The following ATP6V0A1 variants were observed in gnomAD, a reference collection of about 807,000 sequenced individuals.
The protein encoded by ATP6V0A1 is V-type proton ATPase 116 kDa subunit a 1.
A neutral mutation model predicts 105.4 loss-of-function variants in ATP6V0A1; 43 were observed. That is an observed-to-expected ratio of 0.41 (90% CI 0.32 to 0.53). ATP6V0A1 has a LOEUF of 0.53. Ranked by LOEUF, ATP6V0A1 falls within the 20% of genes least tolerant of loss-of-function variation. The pLI is 0.30. For missense variants in ATP6V0A1, 676 were observed against 1,051.1 expected (o/e 0.64, Z 4.93); for synonymous variants, 362 against 372.8 (o/e 0.97, Z 0.33).
intron 17 of ATP6V0A1, among the ~76,000 whole-genome samples, chr17:42,505,973 A>G (rs1200386247): frequency 6.6e-6 from 1 of 151,960 alleles, no homozygotes; most frequent in Non-Finnish European, 1.5e-5. Context: ...TTTTTAGTAG[A>G]GACGGGGTTT....
chr17:42,488,918 G>A (rs1388662005), intron 10 of ATP6V0A1, among the ~76,000 whole-genome samples: 1 of 151,008 alleles, frequency 6.6e-6, no homozygotes, highest in East Asian at 2.0e-4. Context: ...AGGAGGCTGA[G>A]GCAGGAGAAC....
chr17:42,467,474 T>C (rs2087245265), intron 3 of ATP6V0A1, among the ~76,000 whole-genome samples: 1 of 152,236 alleles, frequency 6.6e-6, no homozygotes, highest in South Asian at 2.1e-4. Context: ...CCTGAAACAC[T>C]CTTCTCTTCT....
chr17:42,496,648 C>G (rs2091209860), intron 14 of ATP6V0A1: 1 of 152,114 alleles, frequency 6.6e-6, no homozygotes, highest in Non-Finnish European at 1.5e-5. Flanking sequence ...CGAGACCAGC[C>G]TGGTCAACAT....
chr17:42,501,073 G>C lies in ATP6V0A1; in HGVS notation c.1897-124G>C, dbSNP rs116026062. On this transcript the variant is annotated intron_variant, in intron 16 of 21. Transcript: ENST00000343619. Reference sequence around the variant, plus strand: ...ATGTGATAATTATTTTGAGAAATTGGATAGTGTTATTCATAGATTAGTAAG... The same window carrying C: ...ATGTGATAATTATTTTGAGAAATTGCATAGTGTTATTCATAGATTAGTAAG... 6.4e-4 allele frequency: 747 copies of C among 1,158,212 alleles called. 4 individuals carry two copies. The African/African-American group carries it at 0.011, about 16-fold the overall frequency. 71.7% of individuals were successfully genotyped at this position (1,158,212 alleles called of 1,614,324 possible). A position where few individuals can be genotyped will look rare whatever the true frequency, so the allele number is the denominator to read the frequency against.
At chr17:42,460,704 C>T (rs2086298503) in intron 1 of ATP6V0A1, 144 bp from the exon 2 acceptor site, 1 of 508,986 alleles carries the variant, frequency 2.0e-6, no homozygotes, top group Admixed American at 3.2e-5. Flanking sequence ...TCCTTTCCAT[C>T]TTTCTAGACA....
In ATP6V0A1 at chr17:42,514,314, G is replaced by GGT; in HGVS notation, c.2276_2277dup (p.Ile760Ter). ...AGCTGTCTGAGGTGCTTTGGACCAT[G>GGT]GTGATCCACATCGGCCTGAGCGTGA... On this transcript the variant is annotated frameshift_variant, in exon 21 of 22. Coordinates refer to ENST00000343619, the MANE Select transcript of ATP6V0A1 (RefSeq NM_001130021.3). LOFTEE classifies it high-confidence loss of function. 6.2e-7 allele frequency: 1 copy of GGT among 1,607,680 alleles called. No homozygotes were observed. The highest frequency in any genetic ancestry group is 8.5e-7 in the Non-Finnish European group (1 of 1,176,794).
At chr17:42,476,442 G>GA (rs1429667131) in intron 5 of ATP6V0A1, among the ~76,000 whole-genome samples, 1 of 152,160 alleles carries the variant, frequency 6.6e-6, no homozygotes, top group Non-Finnish European at 1.5e-5. Context: ...GAAAATGATA[G>GA]AGAAAAACTC....
intron 9 of ATP6V0A1, among the ~76,000 whole-genome samples, chr17:42,484,004 C>T (rs1042265877): frequency 2.0e-5 from 3 of 152,218 alleles, no homozygotes; most frequent in Admixed American, 1.3e-4. Context: ...AGGCGTGAGC[C>T]ACTGCGCCCA....
intron 12 of ATP6V0A1, 84 bp from the exon 13 acceptor site, chr17:42,494,950 A>C (rs1018152976): frequency 1.4e-6 from 2 of 1,416,904 alleles, no homozygotes; most frequent in African/African-American, 2.8e-5. Flanking sequence ...TGCTGGAGAA[A>C]GGGGCAGGTA....
chr17:42,469,000 C>A (rs540306736), intron 4 of ATP6V0A1, among the ~76,000 whole-genome samples: 1 of 152,044 alleles, frequency 6.6e-6, no homozygotes, highest in Non-Finnish European at 1.5e-5. Context: ...TGTGTGCCAA[C>A]ATGCCTGGCT....
chr17:42,492,742 G>A (rs904895475), intron 11 of ATP6V0A1, among the ~76,000 whole-genome samples: 2 of 149,040 alleles, frequency 1.3e-5, no homozygotes, highest in African/African-American at 2.5e-5. Flanking sequence ...TCGGCTGGGC[G>A]TGGTGGTTCA....
At chr17:42,505,787 CTT>C (rs200710030) in intron 17 of ATP6V0A1, among the ~76,000 whole-genome samples, 85 of 143,098 alleles carry the variant, frequency 5.9e-4, no homozygotes, top group African/African-American at 1.1e-3. Context: ...TTTCATATGT[CTT>C]TTTTTTTTTT....
chr17:42,474,229 C>G (rs1333174991), intron 5 of ATP6V0A1, among the ~76,000 whole-genome samples: 1 of 151,986 alleles, frequency 6.6e-6, no homozygotes, highest in Non-Finnish European at 1.5e-5. Flanking sequence ...GTCTCGAACT[C>G]TGACCTCGTG....
At chr17:42,505,351 A>C (rs762405473) in intron 17 of ATP6V0A1, among the ~76,000 whole-genome samples, 1 of 152,052 alleles carries the variant, frequency 6.6e-6, no homozygotes, top group Non-Finnish European at 1.5e-5. Context: ...GATTACAGGC[A>C]CCCACCACCT....
intron 11 of ATP6V0A1, 140 bp downstream of exon 11, chr17:42,490,777 C>T: frequency 1.1e-6 from 1 of 890,760 alleles, no homozygotes; most frequent in Non-Finnish European, 1.7e-6. Context: ...CAGCCTCAAA[C>T]TCCTGGCCTC....
rs1351657382 is a variant in ATP6V0A1 at position 42,460,863 on chromosome 17, A to G, written c.-32A>G. The G allele has an allele frequency of 6.5e-7, 1 of 1,540,572 alleles. No homozygotes were observed. Among genetic ancestry groups the G allele is most frequent in the South Asian group, 1.1e-5 (1 of 89,506 alleles). On this transcript the variant is annotated 5_prime_UTR_variant, in exon 2 of 22. Coordinates refer to ENST00000343619, the MANE Select transcript of ATP6V0A1 (RefSeq NM_001130021.3). The stretch of plus-strand genomic sequence containing the variant: ...TTTGCTTCAGGTTGGAGAGAAATCC[A>G]GGTACTCACTAGACTGGTACCTTCT...
intron 2 of ATP6V0A1, among the ~76,000 whole-genome samples, chr17:42,463,163 C>T (rs749215088): frequency 2.4e-5 from 2 of 83,936 alleles, no homozygotes; most frequent in Admixed American, 1.0e-4. Flanking sequence ...CCGCCGAGCC[C>T]GGCTAATTTT....
chr17:42,507,694 G>C (rs774822268), intron 18 of ATP6V0A1, 67 bp downstream of exon 18: 2 of 1,255,962 alleles, frequency 1.6e-6, no homozygotes, highest in Admixed American at 1.7e-5. Context: ...GTGTACCTAA[G>C]AGGCCTCACT....
Position 42,483,041 on chromosome 17 carries a change from C to A in ATP6V0A1, c.720C>A (p.Phe240Leu), listed in dbSNP as rs1478561540. ...KNRVKKICEG[F>L]RASLYPCPET... ...CTTCGATGTTCTTATATTCCAGGTT[C>A]CGAGCCTCACTCTATCCCTGTCCTG... The change falls in exon 9 of 22, where the codon TTC becomes TTA. Residue 240 changes from phenylalanine (F) to leucine (L), a missense_variant. Coordinates refer to ENST00000343619, the MANE Select transcript of ATP6V0A1 (RefSeq NM_001130021.3). The A allele has an allele frequency of 2.7e-6, 4 of 1,489,168 alleles. No individual in the cohort carries two copies. Among genetic ancestry groups the A allele is most frequent in the Non-Finnish European group, 3.6e-6 (4 of 1,113,904 alleles). 92.2% of individuals were successfully genotyped at this position (1,489,168 alleles called of 1,614,324 possible). A position where few individuals can be genotyped will look rare whatever the true frequency, so the allele number is the denominator to read the frequency against.
Sources: allele counts gnomAD v4.1 joint callset (sites outside exome capture counted in the v4.1 genomes callset), GRCh38; gene constraint gnomAD v4.1.1; transcripts MANE v1.5; gene names NCBI Gene and HGNC (gene_info 2026-07-23, HGNC 2026-07-21).